GARNL3: variants seen among roughly 807,000 people sequenced by gnomAD.
GARNL3 encodes GTPase-activating Rap/Ran-GAP domain-like protein 3.
Under a neutral mutation model 125.0 loss-of-function variants are expected in GARNL3, and 63 were observed. That is an observed-to-expected ratio of 0.50 (90% confidence interval 0.41 to 0.62). The LOEUF (loss-of-function observed/expected upper bound fraction) is 0.62, where lower values mean the gene tolerates loss of function less well. Among genes scored for constraint, GARNL3 ranks in the 20% least tolerant of loss-of-function variants. The pLI, the probability that GARNL3 is intolerant of heterozygous loss-of-function variation, is 0.00. For missense variants in GARNL3, 994 were observed against 1,244.0 expected (o/e 0.80, Z 3.02); for synonymous variants, 439 against 457.5 (o/e 0.96, Z 0.52).
At chr9:127,303,103 A>G (rs541422898) in intron 2 of GARNL3, among the ~76,000 whole-genome samples, 76 of 152,284 alleles carry the variant, frequency 5.0e-4, no homozygotes, top group African/African-American at 1.8e-3. Flanking sequence ...GTGAGCCAAG[A>G]TGGCACCACT....
intron 2 of GARNL3, among the ~76,000 whole-genome samples, chr9:127,305,577 AT>A (rs1303281812): frequency 6.6e-6 from 1 of 151,120 alleles, no homozygotes; most frequent in Non-Finnish European, 1.5e-5. Context: ...TTAATTTTTA[AT>A]TTTTTTTCTT....
chr9:127,277,264 G>T (rs946331775), intron 1 of GARNL3, among the ~76,000 whole-genome samples: 1 of 152,054 alleles, frequency 6.6e-6, no homozygotes, highest in African/African-American at 2.4e-5. Context: ...AGTAAGAAAA[G>T]AACAGGATGT....
Position 127,358,834 on chromosome 9 carries a change from G to C in GARNL3, c.2094+1457G>C, listed in dbSNP as rs574410871. Among the ~76,000 whole-genome samples the C allele has an allele frequency of 6.0e-4, 92 of 152,164 alleles. 1 individual carries two copies. The highest frequency in any genetic ancestry group is 1.0e-3 in the Non-Finnish European group (68 of 68,024). On this transcript the variant is annotated intron_variant, in intron 21 of 27. Coordinates refer to ENST00000373387, the MANE Select transcript of GARNL3 (RefSeq NM_032293.5). ...TTTGGGTATGTTTAAATGGTCCCCA[G>C]ATAATTGTAATATTTAGCCAAGTTG...
intron 21 of GARNL3, among the ~76,000 whole-genome samples, chr9:127,361,524 G>A (rs1275662174): frequency 1.3e-5 from 2 of 152,318 alleles, no homozygotes; most frequent in Admixed American, 1.3e-4. Flanking sequence ...CTGTCCCAAG[G>A]TGGAGACAGA....
At chr9:127,388,312 T>C (rs1410707653) in intron 25 of GARNL3, 1 of 106,440 alleles carries the variant, frequency 9.4e-6, no homozygotes. Context: ...CAAGACCTTG[T>C]CTCAAAAAAA....
chr9:127,378,314 C>A (rs534714370), intron 22 of GARNL3, among the ~76,000 whole-genome samples: 1 of 150,904 alleles, frequency 6.6e-6, no homozygotes, highest in South Asian at 2.1e-4. Flanking sequence ...GACGGCTGGG[C>A]ACCATGGTCA....
intron 1 of GARNL3, among the ~76,000 whole-genome samples, chr9:127,238,715 G>A (rs960837905): frequency 6.6e-6 from 1 of 152,002 alleles, no homozygotes; most frequent in Non-Finnish European, 1.5e-5. Flanking sequence ...AGTATTGGAC[G>A]TTTTGAGAGA....
chr9:127,306,022 G>A (rs1390702255), intron 2 of GARNL3, among the ~76,000 whole-genome samples: 1 of 152,132 alleles, frequency 6.6e-6, no homozygotes, highest in Non-Finnish European at 1.5e-5. Context: ...CCTCCCTGTG[G>A]TGTTCCATTC....
chr9:127,340,005 A>G (rs1049977962), intron 13 of GARNL3, among the ~76,000 whole-genome samples: 2 of 152,018 alleles, frequency 1.3e-5, no homozygotes, highest in Non-Finnish European at 2.9e-5. Context: ...TCGGGCCTCA[A>G]ATTTGCCTTT....
rs1181269017 is a variant in GARNL3, at chr9:127,266,325, A to C, written c.144+1304A>C. On this transcript the variant is annotated intron_variant, in intron 1 of 27. Transcript: ENST00000373387. The surrounding 1 kb of genome is among the most constrained non-coding windows in gnomAD (Gnocchi z 4.0). ...TGTGGGATGTGGATTGGTGGCAGAG[A>C]GGATAGACAGTAGGTATGAGCTAAC... Among the ~76,000 whole-genome samples, 1 of 152,222 alleles carries C rather than the reference A, an allele frequency of 6.6e-6. No homozygotes were observed. The highest frequency in any genetic ancestry group is 1.5e-5 in the Non-Finnish European group (1 of 68,034).
At chr9:127,319,207 G>A (rs1291928975) in intron 5 of GARNL3, among the ~76,000 whole-genome samples, 14 of 152,144 alleles carry the variant, frequency 9.2e-5, no homozygotes, top group Non-Finnish European at 2.1e-4. Flanking sequence ...CACCAAGGCC[G>A]GGCGCAATGG....
rs553217612 is a variant in GARNL3, at chr9:127,348,734, A to G, written c.1432-190A>G. The stretch of plus-strand genomic sequence containing the variant: ...TGAATTCACTCTTTTCCTATTGCAT[A>G]CGTATTTGAAAGGAGACTTTTCTTC... On this transcript the variant is annotated intron_variant, in intron 16 of 27. Transcript: ENST00000373387. Among the ~76,000 whole-genome samples the G allele has an allele frequency of 1.6e-4, 25 of 152,310 alleles. No homozygotes were observed. In the South Asian group the frequency reaches 4.8e-3, roughly 29 times the overall value.
At chr9:127,368,008 C>CTTT (rs10573639) in intron 22 of GARNL3, among the ~76,000 whole-genome samples, 621 of 81,748 alleles carry the variant, frequency 7.6e-3, no homozygotes, top group East Asian at 0.013. Flanking sequence ...CATAGACTTT[C>CTTT]TTTTTTTTTT....
At position 127,356,265 on chromosome 9, in the gene GARNL3, G is replaced by A. The variant is rs543173171; in HGVS notation, c.1935+793G>A. On this transcript the variant is annotated intron_variant, in intron 20 of 27. Transcript: ENST00000373387. ...ACCAGTGCAGCATCCTGGCAAGAAA[G>A]GTTGGTGGCTTTGGTAGCAGGAGAG... is the stretch of plus-strand genomic sequence containing the variant. 6.6e-5 allele frequency among the ~76,000 whole-genome samples: 10 copies of A among 152,318 alleles called. 2 individuals carry two copies. The South Asian group carries it at 1.9e-3, about 28-fold the overall frequency.
chr9:127,231,501 C>T (rs912320640), intron 1 of GARNL3, among the ~76,000 whole-genome samples: 2 of 152,098 alleles, frequency 1.3e-5, no homozygotes, highest in African/African-American at 4.8e-5. Context: ...TGCAATATTT[C>T]ATAGAGGCCA....
At chr9:127,332,462 T>C (rs1829315549) in intron 8 of GARNL3, 113 bp downstream of exon 8, 1 of 796,704 alleles carries the variant, frequency 1.3e-6, no homozygotes, top group South Asian at 1.6e-5. Context: ...TACGAGGAGA[T>C]AGTTTTACAC....
At chr9:127,303,647 C>T (rs1408006693) in intron 2 of GARNL3, among the ~76,000 whole-genome samples, 1 of 152,192 alleles carries the variant, frequency 6.6e-6, no homozygotes, top group Non-Finnish European at 1.5e-5. Context: ...ATGTATTGAA[C>T]TCACTCTGGA....
intron 2 of GARNL3, among the ~76,000 whole-genome samples, chr9:127,247,928 C>A (rs1027248806): frequency 3.3e-5 from 5 of 152,178 alleles, no homozygotes; most frequent in African/African-American, 1.2e-4. Context: ...CCCCCTGTCC[C>A]CTACTATCCT....
intron 6 of GARNL3, among the ~76,000 whole-genome samples, chr9:127,323,987 C>T (rs1429943929): frequency 1.3e-5 from 2 of 152,040 alleles, no homozygotes; most frequent in South Asian, 2.1e-4. Flanking sequence ...TGGTGGCTCA[C>T]GCTTGTAATC....
Sources: gnomAD v4.1 joint callset for allele counts (sites outside exome capture counted in the v4.1 genomes callset) on GRCh38, gnomAD v4.1.1 for gene constraint, Gnocchi (gnomAD v3.1) non-coding constraint, MANE v1.5 for transcripts, NCBI Gene and HGNC (gene_info 2026-07-23, HGNC 2026-07-21) for gene names.